The following PIAS4 variants were observed in gnomAD, a reference collection of about 807,000 sequenced individuals.
PIAS4 encodes protein inhibitor of activated STAT 4.
In PIAS4, 7 loss-of-function variants were observed where a neutral mutation model predicts 58.0. The ratio of observed to expected loss-of-function variants is 0.12; its 90% CI spans 0.07 to 0.23. The LOEUF (loss-of-function observed/expected upper bound fraction) is 0.23. Ranked by LOEUF, PIAS4 falls within the 10% of genes least tolerant of loss-of-function variation. The pLI, the probability that PIAS4 is intolerant of heterozygous loss-of-function variation, is 1.00. For synonymous variants in PIAS4, 364 were observed against 312.4 expected, an observed-to-expected ratio of 1.17 and a Z score of -1.74; for missense variants, 550 against 709.5, an observed-to-expected ratio of 0.78 and a Z score of 2.55.
At chr19:4,010,099 T>C (rs1024280154) in intron 1 of PIAS4, among the ~76,000 whole-genome samples, 1 of 152,162 alleles carries the variant, frequency 6.6e-6, no homozygotes, top group African/African-American at 2.4e-5. Context: ...TGGCACTGTT[T>C]ATAAACACAG....
chr19:4,037,434 C>G lies in PIAS4; in HGVS notation c.1203C>G (p.Asp401Glu). Residue 401 changes from aspartate to glutamate, a missense_variant, in exon 10 of 11, where the codon GAC becomes GAG. By Grantham distance (45) the Asp-to-Glu change is conservative (BLOSUM62 2). Coordinates refer to ENST00000262971, the MANE Select transcript of PIAS4 (RefSeq NM_015897.4). The surrounding 1 kb of genome is among the most constrained non-coding windows in gnomAD (Gnocchi z 5.8). ...EDADEIEYLV[D>E]GSWCPIRAEK... is the part of the protein sequence containing the mutation. ...CCGACGAGATCGAGTACCTGGTGGA[C>G]GGCTCGTGGTGCCCGATCCGCGCCG... 6.2e-7 allele frequency: 1 copy of G among 1,611,738 alleles called. No homozygotes were observed. The highest frequency in any genetic ancestry group is 8.5e-7 in the Non-Finnish European group (1 of 1,179,442).
rs2040252462 is a variant in PIAS4, at chr19:4,034,130, G to A, written c.1142+550G>A. On this transcript the variant is annotated intron_variant, in intron 9 of 10. Transcript: ENST00000262971. ...CCCAGGGCTTAAGTTTCCAGAAACT[G>A]AGCCCCGTTGTCTGTGGTGCCTGAT... Among the ~76,000 whole-genome samples the A allele has an allele frequency of 6.6e-5, 10 of 152,342 alleles. 1 individual carries two copies. The South Asian group carries it at 2.1e-3, about 32-fold the overall frequency.
chr19:4,037,703 G>A lies in PIAS4; in HGVS notation c.1361G>A (p.Gly454Asp). The change falls in exon 11 of 11, where the codon GGC (glycine) becomes GAC (aspartate). Residue 454 changes from glycine (G) to aspartate (D), a missense_variant. Gly to Asp is a moderately conservative substitution (Grantham distance 94). Transcript: ENST00000262971. The surrounding 1 kb of genome is among the most constrained non-coding windows in gnomAD (Gnocchi z 5.8). ...AGCACGGGTGGCGGCGGCCCGGTGG[G>A]CAGCATGGAGAATGGGAAGCCGGGC... ...LGSTGGGGPVGSMENGKPGAD... is the reference protein window; with the variant it reads ...LGSTGGGGPVDSMENGKPGAD... 1 of 1,611,888 alleles carries A rather than the reference G, an allele frequency of 6.2e-7. No homozygotes were observed. The highest frequency in any genetic ancestry group is 1.3e-5 in the African/African-American group (1 of 75,032).
rs773129772 is a variant in PIAS4 at position 4,037,583 on chromosome 19, T to C, written c.1274-33T>C. 6 of 1,607,602 alleles carry C rather than the reference T, an allele frequency of 3.7e-6. No individual in the cohort carries two copies. Among genetic ancestry groups the C allele is most frequent in the Non-Finnish European group, 5.1e-6 (6 of 1,179,746 alleles). ...TCCCCATTTATCAGTGGTTGCATCCTAAGTACCTGCACCCTGTCCCTGTTG... is the reference window on the plus strand; with the variant it reads ...TCCCCATTTATCAGTGGTTGCATCCCAAGTACCTGCACCCTGTCCCTGTTG... On this transcript the variant is annotated intron_variant, in intron 10 of 10. Coordinates refer to ENST00000262971, the MANE Select transcript of PIAS4 (RefSeq NM_015897.4). The surrounding 1 kb of genome is among the most constrained non-coding windows in gnomAD (Gnocchi z 5.8).
chr19:4,015,278 G>C (rs1382956919), intron 2 of PIAS4, among the ~76,000 whole-genome samples: 1 of 152,194 alleles, frequency 6.6e-6, no homozygotes, highest in Non-Finnish European at 1.5e-5. Flanking sequence ...GGGCAGGCTT[G>C]GTCCAGGGCG....
rs537237384 is a variant in PIAS4, at chr19:4,037,247, G to T, written c.1143-127G>T. ...GGGGTCCCTGGACCCCTGCGGTCGG[G>T]GTGGTGAGGCTGCTCTTGCAGAGAG... is the stretch of plus-strand genomic sequence containing the variant. On this transcript the variant is annotated intron_variant, in intron 9 of 10. Transcript: ENST00000262971. This position sits in a 1 kb window ranked among gnomAD's most constrained non-coding sequence, Gnocchi z 5.8. 3 of 1,233,732 alleles carry T rather than the reference G, an allele frequency of 2.4e-6. No individual in the cohort carries two copies. The highest frequency in any genetic ancestry group is 5.2e-5 in the Admixed American group (2 of 38,572). 76.4% of individuals were successfully genotyped at this position (1,233,732 alleles called of 1,614,324 possible).
chr19:4,036,595 C>G (rs1399350560), intron 9 of PIAS4, among the ~76,000 whole-genome samples: 2 of 139,092 alleles, frequency 1.4e-5, no homozygotes, highest in East Asian at 3.9e-4. Context: ...CACCGTCATA[C>G]ACACACACAT....
intron 9 of PIAS4, among the ~76,000 whole-genome samples, chr19:4,034,114 T>A (rs1342272052): frequency 2.6e-5 from 4 of 152,196 alleles, no homozygotes; most frequent in African/African-American, 9.6e-5. Context: ...GCCCAGGGCT[T>A]AAGTTTCCAG....
chr19:4,015,533 C>T (rs567176068), intron 2 of PIAS4, among the ~76,000 whole-genome samples: 69 of 152,284 alleles, frequency 4.5e-4, no homozygotes, highest in African/African-American at 1.4e-3. Flanking sequence ...TCCTGGATTC[C>T]GTGCTCTTGG....
chr19:4,039,130 G>A lies in PIAS4; in HGVS notation c.*1255G>A, dbSNP rs1293587380. The A allele has an allele frequency of 2.6e-5, 4 of 152,276 alleles. No individual in the cohort carries two copies. The highest frequency in any genetic ancestry group is 9.6e-5 in the African/African-American group (4 of 41,460). 9.4% of individuals were successfully genotyped at this position (152,276 alleles called of 1,614,324 possible). On this transcript the variant is annotated 3_prime_UTR_variant, in exon 11 of 11. Transcript: ENST00000262971. Reference sequence around the variant, plus strand: ...AACACCGCTGCCTGCGGTCTGTTTTGCTTTTGTCCTCCCCAGCCCAGAATT... The same window carrying A: ...AACACCGCTGCCTGCGGTCTGTTTTACTTTTGTCCTCCCCAGCCCAGAATT...
Position 4,035,835 on chromosome 19 carries a change from C to T in PIAS4, c.1143-1539C>T, listed in dbSNP as rs2040270875. Among the ~76,000 whole-genome samples, 8 of 151,094 alleles carry T rather than the reference C, an allele frequency of 5.3e-5. No individual in the cohort carries two copies. The South Asian group carries it at 1.7e-3, about 31-fold the overall frequency. Reference sequence around the variant, plus strand: ...CATCCATACAGTCCACACCATCACACACACACCCGCACACATCCATACAGT... The same window carrying T: ...CATCCATACAGTCCACACCATCACATACACACCCGCACACATCCATACAGT... On this transcript the variant is annotated intron_variant, in intron 9 of 10. Coordinates refer to ENST00000262971, the MANE Select transcript of PIAS4 (RefSeq NM_015897.4).
At chr19:4,009,316 C>T (rs1313701508) in intron 1 of PIAS4, among the ~76,000 whole-genome samples, 2 of 152,170 alleles carry the variant, frequency 1.3e-5, no homozygotes, top group Non-Finnish European at 1.5e-5. Flanking sequence ...TTCTGCTCCT[C>T]TCTAGAGTTT....
chr19:4,011,410 C>G (rs1415902987), intron 1 of PIAS4, among the ~76,000 whole-genome samples: 3 of 152,254 alleles, frequency 2.0e-5, no homozygotes, highest in African/African-American at 7.2e-5. Context: ...AGGGTCCTAC[C>G]CCTCATGGAG....
At chr19:4,016,136 G>T (rs1458980334) in intron 2 of PIAS4, among the ~76,000 whole-genome samples, 1 of 152,256 alleles carries the variant, frequency 6.6e-6, no homozygotes, top group Non-Finnish European at 1.5e-5. Context: ...CTGTCGGCAA[G>T]GAAGCCGGCG....
intron 3 of PIAS4, among the ~76,000 whole-genome samples, chr19:4,025,347 C>T (rs2040152015): frequency 6.6e-6 from 1 of 152,202 alleles, no homozygotes; most frequent in Non-Finnish European, 1.5e-5. Flanking sequence ...GCGCTCTGCT[C>T]CTCCCTCAGT....
At chr19:4,030,566 C>T (rs1026253967) in intron 7 of PIAS4, among the ~76,000 whole-genome samples, 3 of 150,926 alleles carry the variant, frequency 2.0e-5, no homozygotes, top group Non-Finnish European at 2.9e-5. Flanking sequence ...TTGCAGTGAG[C>T]GGAGATCGTG....
At chr19:4,022,601 C>T (rs1485951500) in intron 2 of PIAS4, among the ~76,000 whole-genome samples, 4 of 151,724 alleles carry the variant, frequency 2.6e-5, no homozygotes, top group Non-Finnish European at 5.9e-5. Flanking sequence ...CTCCTGACCT[C>T]GTGATCCACC....
chr19:4,009,759 C>G (rs760244494), intron 1 of PIAS4, among the ~76,000 whole-genome samples: 1 of 152,180 alleles, frequency 6.6e-6, no homozygotes, highest in African/African-American at 2.4e-5. Flanking sequence ...ATATTCATGG[C>G]TGCAGATTCT....
rs2040010743 is a variant in PIAS4, at chr19:4,012,947, T to G, written c.52T>G (p.Ser18Ala). 6.2e-7 allele frequency: 1 copy of G among 1,613,230 alleles called. No homozygotes were observed. The highest frequency in any genetic ancestry group is 8.5e-7 in the Non-Finnish European group (1 of 1,179,650). ...AKNMVMSFRV[S>A]DLQMLLGFVG... ...GAACATGGTGATGAGTTTTCGAGTCTCCGACCTTCAGATGCTCCTGGGTTT... is the reference window on the plus strand; with the variant it reads ...GAACATGGTGATGAGTTTTCGAGTCGCCGACCTTCAGATGCTCCTGGGTTT... The change falls in exon 2 of 11, where the codon TCC becomes GCC. Residue 18 changes from serine (S) to alanine (A), a missense_variant. Ser to Ala is a moderately conservative substitution (Grantham distance 99). This residue lies in a region of PIAS4 where 42 missense variants were observed against 84.3 expected (regional missense o/e 0.50). Coordinates refer to ENST00000262971, the MANE Select transcript of PIAS4 (RefSeq NM_015897.4).
Sources: gnomAD v4.1 joint callset for allele counts (sites outside exome capture counted in the v4.1 genomes callset) on GRCh38, gnomAD v4.1.1 for gene constraint, gnomAD v4.1.1 regional missense constraint, Gnocchi (gnomAD v3.1) non-coding constraint, MANE v1.5 for transcripts, NCBI Gene and HGNC (gene_info 2026-07-23, HGNC 2026-07-21) for gene names.